Variants in WDFY3 observed in about 807,000 individuals in gnomAD.
WDFY3 encodes the protein WD repeat and FYVE domain-containing protein 3.
A neutral mutation model predicts 409.6 loss-of-function variants in WDFY3; 66 were observed. The ratio of observed to expected loss-of-function variants is 0.16; its 90% CI spans 0.13 to 0.20. The LOEUF (loss-of-function observed/expected upper bound fraction) is 0.20, where lower values mean the gene tolerates loss of function less well. WDFY3 is among the 10% of genes least tolerant of loss of function. The pLI is 1.00. For synonymous variants in WDFY3, 1,521 were observed against 1,537.1 expected, an observed-to-expected ratio of 0.99 and a Z score of 0.25; for missense variants, 3,031 against 4,298.1, an observed-to-expected ratio of 0.71 and a Z score of 8.24.
intron 1 of WDFY3, among the ~76,000 whole-genome samples, chr4:84,945,201 C>T (rs970215407): frequency 2.0e-5 from 3 of 152,214 alleles, no homozygotes; most frequent in African/African-American, 7.2e-5. Context: ...TCATGAAAAC[C>T]ACCAGGTGGA....
intron 67 of WDFY3, among the ~76,000 whole-genome samples, chr4:84,673,549 C>T (rs1288263533): frequency 6.6e-6 from 1 of 152,144 alleles, no homozygotes; most frequent in African/African-American, 2.4e-5. Flanking sequence ...GATTGATCCA[C>T]TCTTTAATCA....
At chr4:84,881,624 C>T (rs182785050) in intron 3 of WDFY3, among the ~76,000 whole-genome samples, 60 of 151,538 alleles carry the variant, frequency 4.0e-4, no homozygotes, top group African/African-American at 1.4e-3. Context: ...CAGTGGCTCA[C>T]GCCTGTAATC....
intron 1 of WDFY3, among the ~76,000 whole-genome samples, chr4:84,948,622 C>G (rs1409107939): frequency 1.3e-5 from 2 of 152,170 alleles, no homozygotes; most frequent in African/African-American, 4.8e-5. Flanking sequence ...AGCCTTCATA[C>G]TGCAGATTAG....
chr4:84,683,380 TCTC>T (rs1727734316), intron 63 of WDFY3, among the ~76,000 whole-genome samples: 1 of 152,066 alleles, frequency 6.6e-6, no homozygotes, highest in East Asian at 1.9e-4. Context: ...CAAAGAAAAA[TCTC>T]CTGAGACAGA....
chr4:84,707,777 ATTAT>A (rs1370989236), intron 53 of WDFY3, among the ~76,000 whole-genome samples: 1 of 152,088 alleles, frequency 6.6e-6, no homozygotes, highest in Non-Finnish European at 1.5e-5. Context: ...TTTTCCTTTT[ATTAT>A]TTATTTATTG....
chr4:84,775,208 C>A, intron 27 of WDFY3, 70 bp from the exon 28 acceptor site: 1 of 1,233,356 alleles, frequency 8.1e-7, no homozygotes, highest in Non-Finnish European at 1.2e-6. Flanking sequence ...CAACAAACAC[C>A]AATACAGCAC....
intron 41 of WDFY3, 35 bp from the exon 42 acceptor site, chr4:84,736,362 T>C: frequency 6.5e-7 from 1 of 1,548,188 alleles, no homozygotes; most frequent in East Asian, 2.3e-5. Context: ...TTTTATAATT[T>C]CTCCATGTAT....
Position 84,678,288 on chromosome 4 carries a change from G to A in WDFY3, c.10148-9C>T, listed in dbSNP as rs1726705260. On this transcript the variant is annotated splice_polypyrimidine_tract_variant and intron_variant, in intron 65 of 67. Coordinates refer to ENST00000295888, the MANE Select transcript of WDFY3 (RefSeq NM_014991.6). ...CCGTTCCCATCGGTACCCTGGAATG[G>A]AGAAGTGGAGGACACAACATAACTC... 1.9e-6 allele frequency: 3 copies of A among 1,600,346 alleles called. No individual in the cohort carries two copies. Among genetic ancestry groups the A allele is most frequent in the African/African-American group, 2.7e-5 (2 of 74,664 alleles).
chr4:84,704,556 A>T, intron 54 of WDFY3, 112 bp from the exon 55 acceptor site: 6 of 717,440 alleles, frequency 8.4e-6, no homozygotes, highest in Non-Finnish European at 1.3e-5. Context: ...GTAACACTAA[A>T]TGCAATTAGT....
intron 1 of WDFY3, among the ~76,000 whole-genome samples, chr4:84,958,272 G>A (rs1479591983): frequency 1.3e-5 from 2 of 152,108 alleles, no homozygotes; most frequent in South Asian, 2.1e-4. Flanking sequence ...AATGCACAGT[G>A]GTCAGCAAAA....
At chr4:84,905,373 CT>C (rs1481291576) in intron 2 of WDFY3, among the ~76,000 whole-genome samples, 17 of 152,096 alleles carry the variant, frequency 1.1e-4, no homozygotes, top group Non-Finnish European at 8.8e-5. Context: ...CTTGACTTCC[CT>C]TTTCACTGAC....
intron 56 of WDFY3, among the ~76,000 whole-genome samples, chr4:84,700,082 T>C (rs1316617253): frequency 6.6e-6 from 1 of 152,204 alleles, no homozygotes; most frequent in Non-Finnish European, 1.5e-5. Flanking sequence ...TCTTTTGTTG[T>C]TGTTGCTTGT....
chr4:84,694,268 G>C (rs1452023965), intron 58 of WDFY3, among the ~76,000 whole-genome samples: 1 of 152,168 alleles, frequency 6.6e-6, no homozygotes, highest in African/African-American at 2.4e-5. Flanking sequence ...TTTACGTGAG[G>C]ACCTAAGGAG....
chr4:84,781,151 G>C (rs1408013392), intron 25 of WDFY3, among the ~76,000 whole-genome samples: 1 of 151,816 alleles, frequency 6.6e-6, no homozygotes, highest in African/African-American at 2.4e-5. Context: ...TAAGTAATCT[G>C]TGTAACAGTA....
intron 55 of WDFY3, among the ~76,000 whole-genome samples, chr4:84,702,819 G>A (rs953949795): frequency 2.6e-5 from 4 of 152,160 alleles, no homozygotes; most frequent in Non-Finnish European, 4.4e-5. Flanking sequence ...AGTTCTGGCC[G>A]GGCGCGGCGG....
chr4:84,937,275 C>T (rs1222714249), intron 1 of WDFY3, among the ~76,000 whole-genome samples: 15 of 152,132 alleles, frequency 9.9e-5, no homozygotes, highest in Non-Finnish European at 1.3e-4. Context: ...ATATCACATG[C>T]TGATACACTT....
At chr4:84,871,916 G>A (rs1762181655) in intron 3 of WDFY3, among the ~76,000 whole-genome samples, 1 of 152,216 alleles carries the variant, frequency 6.6e-6, no homozygotes, top group African/African-American at 2.4e-5. Context: ...TTACAGGCAT[G>A]AGCCATCATG....
chr4:84,725,069 G>A (rs748656424), intron 45 of WDFY3, among the ~76,000 whole-genome samples: 1 of 152,156 alleles, frequency 6.6e-6, no homozygotes, highest in Non-Finnish European at 1.5e-5. Context: ...CAAATACTTG[G>A]AGGTAGAGAC....
intron 51 of WDFY3, among the ~76,000 whole-genome samples, chr4:84,710,073 T>C (rs372079245): frequency 6.6e-6 from 1 of 152,058 alleles, no homozygotes; most frequent in Admixed American, 6.6e-5. Context: ...AGAGATGGGG[T>C]CTTGGTATGT....
Sources: allele counts gnomAD v4.1 joint callset (sites outside exome capture counted in the v4.1 genomes callset), GRCh38; gene constraint gnomAD v4.1.1; transcripts MANE v1.5; gene names NCBI Gene and HGNC (gene_info 2026-07-23, HGNC 2026-07-21).